Variants in PCDHGB6 observed in about 807,000 individuals in gnomAD.
The protein encoded by PCDHGB6 is protocadherin gamma-B6.
PCDHGB6 carries 51 observed loss-of-function variants against 59.1 expected under a neutral mutation model. The ratio of observed to expected loss-of-function variants is 0.86; its 90% CI spans 0.69 to 1.09. The LOEUF (loss-of-function observed/expected upper bound fraction) is 1.09. Among genes scored for constraint, PCDHGB6 ranks in the 50% least tolerant of loss-of-function variants. The pLI is 0.00. For synonymous variants in PCDHGB6, 466 were observed against 495.1 expected (o/e 0.94, Z 0.78); for missense variants, 1,148 against 1,205.1 (o/e 0.95, Z 0.70).
chr5:141,510,958 G>A lies in PCDHGB6; in HGVS notation c.2578G>A (p.Gly860Arg). 6.2e-7 allele frequency: 1 copy of A among 1,614,130 alleles called. No homozygotes were observed. Among genetic ancestry groups the A allele is most frequent in the Non-Finnish European group, 8.5e-7 (1 of 1,180,012 alleles). The change falls in exon 4 of 4, where the codon GGG becomes AGG. Residue 860 changes from glycine to arginine, a missense_variant. This residue lies in a region of PCDHGB6 where 283 missense variants were observed against 318.6 expected (regional missense o/e 0.89). Transcript: ENST00000520790. The stretch of plus-strand genomic sequence containing the variant: ...CTCTGTCTCTGCAGAAGCTGCTGAT[G>A]GGAGCTCCACCCTGGGAGGGGGTGC... ...ILASASEAAD[G>R]SSTLGGGAGT...
chr5:141,443,307 C>A (rs1447607301), intron 1 of PCDHGB6, among the ~76,000 whole-genome samples: 1 of 136,584 alleles, frequency 7.3e-6, no homozygotes, highest in Non-Finnish European at 1.5e-5. Flanking sequence ...ATGGCAAAAA[C>A]CCATCTCTAC....
At chr5:141,496,994 T>A (rs2099773177) in intron 2 of PCDHGB6, among the ~76,000 whole-genome samples, 1 of 151,862 alleles carries the variant, frequency 6.6e-6, no homozygotes, top group Non-Finnish European at 1.5e-5. Flanking sequence ...GAGACCAGCC[T>A]GGCAGCCAAC....
intron 1 of PCDHGB6, 37 bp downstream of exon 1, chr5:141,410,657 G>A: frequency 1.9e-6 from 3 of 1,579,248 alleles, no homozygotes; most frequent in Non-Finnish European, 2.6e-6. Flanking sequence ...TTATCTAATA[G>A]TCTACTAGTT....
chr5:141,461,138 C>T (rs1416058747), intron 1 of PCDHGB6, among the ~76,000 whole-genome samples: 1 of 151,942 alleles, frequency 6.6e-6, no homozygotes, highest in East Asian at 1.9e-4. Flanking sequence ...ACTTATTTTC[C>T]TTTGGGTAGA....
In PCDHGB6 at chr5:141,511,352, C is replaced by A. The variant is rs2099883742; in HGVS notation, c.*179C>A. The A allele has an allele frequency of 3.6e-6, 5 of 1,381,248 alleles. No homozygotes were observed. The highest frequency in any genetic ancestry group is 2.7e-4 in the Middle Eastern group (1 of 3,772). 85.6% of individuals were successfully genotyped at this position (1,381,248 alleles called of 1,614,324 possible). ...CAGTCAGCACCTACCCCTTCCCCCCCAGGGGGTTGAATATGCAAAAGCAGT... is the reference window on the plus strand; with the variant it reads ...CAGTCAGCACCTACCCCTTCCCCCCAAGGGGGTTGAATATGCAAAAGCAGT... On this transcript the variant is annotated 3_prime_UTR_variant, in exon 4 of 4. Coordinates refer to ENST00000520790, the MANE Select transcript of PCDHGB6 (RefSeq NM_018926.3).
intron 1 of PCDHGB6, among the ~76,000 whole-genome samples, chr5:141,436,374 G>C (rs2154557079): frequency 6.6e-6 from 1 of 152,248 alleles, no homozygotes; most frequent in East Asian, 1.9e-4. Context: ...TCCAGTTTAA[G>C]CTGAATAGGC....
Position 141,491,895 on chromosome 5 carries a change from A to G in PCDHGB6, c.2419-2912A>G. On this transcript the variant is annotated intron_variant, in intron 1 of 3. Transcript: ENST00000520790. This position sits in a 1 kb window ranked among gnomAD's most constrained non-coding sequence, Gnocchi z 6.9. Reference sequence around the variant, plus strand: ...CCGATTAAGGGATGGGGCTCCGAGCACCGGGGGTGGTGGCGACTGTGGGCG... The same window carrying G: ...CCGATTAAGGGATGGGGCTCCGAGCGCCGGGGGTGGTGGCGACTGTGGGCG... 7.0e-7 allele frequency: 1 copy of G among 1,434,306 alleles called. No homozygotes were observed. The highest frequency in any genetic ancestry group is 9.2e-7 in the Non-Finnish European group (1 of 1,084,904). 88.8% of individuals were successfully genotyped at this position (1,434,306 alleles called of 1,614,324 possible). A position where few individuals can be genotyped will look rare whatever the true frequency, so the allele number is the denominator to read the frequency against.
At position 141,422,706 on chromosome 5, in the gene PCDHGB6, G is replaced by A. The variant is rs758922274; in HGVS notation, c.2418+12086G>A. On this transcript the variant is annotated intron_variant, in intron 1 of 3. Transcript: ENST00000520790. ...ATGCCCTGGTCACTTACTCTCTGAC[G>A]GATGACACTGTCCAGGGGGTGCCTC... The A allele has an allele frequency of 8.1e-6, 13 of 1,602,906 alleles. No homozygotes were observed. In the South Asian group the frequency reaches 1.5e-4, roughly 18 times the overall value.
chr5:141,478,163 C>G (rs779617960), intron 1 of PCDHGB6: 22 of 1,614,028 alleles, frequency 1.4e-5, no homozygotes, highest in Non-Finnish European at 1.9e-5. Context: ...TGGCTCTGCC[C>G]CCCGGGAGCA....
In PCDHGB6 at chr5:141,410,693, A is replaced by AT. The variant is rs774266569; in HGVS notation, c.2418+77dup. On this transcript the variant is annotated intron_variant, in intron 1 of 3. Coordinates refer to ENST00000520790, the MANE Select transcript of PCDHGB6 (RefSeq NM_018926.3). ...TCTCATATTTTAGGCATACTACTTT[A>AT]TTTTCATATCTAGAATCATATGTTT... The AT allele has an allele frequency of 1.1e-5, 17 of 1,496,786 alleles. No homozygotes were observed. In the Admixed American group the frequency reaches 3.7e-4, roughly 33 times the overall value. The allele number at this position is 1,496,786 out of a possible 1,614,324, so 92.7% of individuals were successfully genotyped here.
In PCDHGB6 at chr5:141,491,272, A is replaced by G. The variant is rs2099710110; in HGVS notation, c.2419-3535A>G. On this transcript the variant is annotated intron_variant, in intron 1 of 3. Transcript: ENST00000520790. The surrounding 1 kb of genome is among the most constrained non-coding windows in gnomAD (Gnocchi z 6.9). The stretch of plus-strand genomic sequence containing the variant: ...GGACCCTGAGGAAATGCCCAAATCC[A>G]GTGACTTCCTCATACACCCTCCTGA... The G allele has an allele frequency of 1.2e-6, 2 of 1,614,084 alleles. No homozygotes were observed. Among genetic ancestry groups the G allele is most frequent in the Non-Finnish European group, 1.7e-6 (2 of 1,179,928 alleles).
At chr5:141,430,902 T>C (rs373775073) in intron 1 of PCDHGB6, 4 of 1,606,232 alleles carry the variant, frequency 2.5e-6, no homozygotes, top group Admixed American at 3.4e-5. Context: ...GTGGGCGACA[T>C]CTCCAGGGAC....
At chr5:141,428,293 C>G (rs1278634119) in intron 1 of PCDHGB6, 1 of 716,436 alleles carries the variant, frequency 1.4e-6, no homozygotes, top group South Asian at 1.6e-5. Flanking sequence ...AGCAAAGCTG[C>G]AGATTTACCT....
At chr5:141,418,484 C>T (rs771278923) in intron 1 of PCDHGB6, 1 of 1,613,878 alleles carries the variant, frequency 6.2e-7, no homozygotes, top group East Asian at 2.2e-5. Flanking sequence ...GAGCGCTCAC[C>T]ACTTGGTACT....
chr5:141,463,510 G>A (rs1031854898), intron 1 of PCDHGB6, among the ~76,000 whole-genome samples: 4 of 143,710 alleles, frequency 2.8e-5, no homozygotes, highest in Non-Finnish European at 4.5e-5. Context: ...GTGACGTGGC[G>A]TGATCTCGGC....
chr5:141,446,230 G>A (rs548647406), intron 1 of PCDHGB6, among the ~76,000 whole-genome samples: 22 of 152,208 alleles, frequency 1.4e-4, no homozygotes, highest in African/African-American at 4.6e-4. Context: ...GTGTTGCCTG[G>A]CAAGTGGTAG....
At chr5:141,495,800 C>T (rs1351461035) in intron 2 of PCDHGB6, among the ~76,000 whole-genome samples, 5 of 152,134 alleles carry the variant, frequency 3.3e-5, no homozygotes, top group Non-Finnish European at 7.3e-5. Context: ...CTCCTTTCAC[C>T]GTTTCCTAGC....
chr5:141,423,513 G>C, intron 1 of PCDHGB6: 3 of 1,613,750 alleles, frequency 1.9e-6, no homozygotes, highest in Non-Finnish European at 1.7e-6. Flanking sequence ...CTCTCATTGC[G>C]GACTCGCAGA....
intron 1 of PCDHGB6, chr5:141,475,839 CAG>C: frequency 2.3e-6 from 1 of 433,254 alleles, no homozygotes; most frequent in Non-Finnish European, 4.1e-6. Flanking sequence ...GTGTCCTGCT[CAG>C]AGAGCCCGGC....
Sources: gnomAD v4.1 joint callset for allele counts (sites outside exome capture counted in the v4.1 genomes callset) on GRCh38, gnomAD v4.1.1 for gene constraint, gnomAD v4.1.1 regional missense constraint, Gnocchi (gnomAD v3.1) non-coding constraint, MANE v1.5 for transcripts, NCBI Gene and HGNC (gene_info 2026-07-23, HGNC 2026-07-21) for gene names.